The following PTPRN2 variants were observed in gnomAD, a reference collection of about 807,000 sequenced individuals.
The protein encoded by PTPRN2 is receptor-type tyrosine-protein phosphatase N2.
A neutral mutation model predicts 118.8 loss-of-function variants in PTPRN2; 74 were observed. That is an observed-to-expected ratio of 0.62 (90% CI 0.52 to 0.76). PTPRN2 has a LOEUF of 0.76. Ranked by LOEUF, PTPRN2 falls within the 30% of genes least tolerant of loss-of-function variation. The pLI, the probability that PTPRN2 is intolerant of heterozygous loss-of-function variation, is 0.00. For synonymous variants in PTPRN2, 641 were observed against 608.0 expected (o/e 1.05, Z -0.80); for missense variants, 1,481 against 1,394.4 (o/e 1.06, Z -0.99).
rs117373098 is a variant in PTPRN2 at position 157,976,237 on chromosome 7, G to C, written c.1724-77500C>G. On this transcript the variant is annotated intron_variant, in intron 11 of 22. Transcript: ENST00000389418. ...AATCAAGCTCTGATCTTTCTTCTCT[G>C]ATGTGAGGTGCTCGGCGATTCCCAG... Among the ~76,000 whole-genome samples, 1,246 of 152,360 alleles carry C rather than the reference G, an allele frequency of 8.2e-3. 6 individuals carry two copies. Among genetic ancestry groups the C allele is most frequent in the Non-Finnish European group, 0.012 (785 of 68,036 alleles).
At chr7:158,210,922 A>AGAG (rs1280690141) in intron 3 of PTPRN2, among the ~76,000 whole-genome samples, 1 of 152,246 alleles carries the variant, frequency 6.6e-6, no homozygotes, top group South Asian at 2.1e-4. Flanking sequence ...TCCAAAAGAT[A>AGAG]GAGGAGGAGG....
chr7:158,047,677 T>C (rs1808987501), intron 11 of PTPRN2, among the ~76,000 whole-genome samples: 1 of 152,174 alleles, frequency 6.6e-6, no homozygotes, highest in Non-Finnish European at 1.5e-5. Flanking sequence ...CATCTGGCGT[T>C]TCAGAGCCGA....
At chr7:157,942,318 G>A (rs1451216496) in intron 11 of PTPRN2, among the ~76,000 whole-genome samples, 1 of 152,140 alleles carries the variant, frequency 6.6e-6, no homozygotes, top group Non-Finnish European at 1.5e-5. Flanking sequence ...AGAGCCCACG[G>A]TGGGGTCCTC....
chr7:158,294,470 T>G (rs1370238384), intron 3 of PTPRN2, among the ~76,000 whole-genome samples: 1 of 152,228 alleles, frequency 6.6e-6, no homozygotes, highest in Non-Finnish European at 1.5e-5. Flanking sequence ...AACTATTCCC[T>G]CCTGGCCTGG....
chr7:157,663,765 C>G (rs1796007464), intron 13 of PTPRN2, among the ~76,000 whole-genome samples: 1 of 152,260 alleles, frequency 6.6e-6, no homozygotes, highest in African/African-American at 2.4e-5. Flanking sequence ...CATGTGGTCT[C>G]ATTCACTGGT....
chr7:158,095,045 G>A (rs1183031798), intron 10 of PTPRN2, among the ~76,000 whole-genome samples: 1 of 152,098 alleles, frequency 6.6e-6, no homozygotes, highest in African/African-American at 2.4e-5. Context: ...GAGCCGCTGG[G>A]TCCTGTAACT....
intron 10 of PTPRN2, among the ~76,000 whole-genome samples, chr7:158,083,136 A>G (rs1411653875): frequency 6.6e-6 from 1 of 152,112 alleles, no homozygotes; most frequent in African/African-American, 2.4e-5. Flanking sequence ...AGTGCCTGAT[A>G]TTTAGTGCTC....
intron 2 of PTPRN2, among the ~76,000 whole-genome samples, chr7:158,364,062 C>A (rs1809230249): frequency 6.6e-6 from 1 of 152,220 alleles, no homozygotes; most frequent in African/African-American, 2.4e-5. Flanking sequence ...GACCTTCTAG[C>A]CAATGGGGCT....
chr7:157,731,037 C>T (rs1015789407), intron 12 of PTPRN2, among the ~76,000 whole-genome samples: 2 of 152,134 alleles, frequency 1.3e-5, no homozygotes, highest in East Asian at 1.9e-4. Context: ...GAACTCCCAG[C>T]CCTGGACGAG....
In PTPRN2 at chr7:158,555,395, G is replaced by A. The variant is rs1425287612; in HGVS notation, c.112+32163C>T. The stretch of plus-strand genomic sequence containing the variant: ...TCACAAGCAGCATCCACGGCTCAGT[G>A]GTGCCCCTCGCCCCCACCGCTCTGC... On this transcript the variant is annotated intron_variant, in intron 1 of 22. Transcript: ENST00000389418. The surrounding 1 kb of genome is among the most constrained non-coding windows in gnomAD (Gnocchi z 4.7). Among the ~76,000 whole-genome samples the A allele has an allele frequency of 6.6e-6, 1 of 152,100 alleles. No individual in the cohort carries two copies. The highest frequency in any genetic ancestry group is 1.5e-5 in the Non-Finnish European group (1 of 68,008).
chr7:157,908,180 C>T (rs750456579), intron 11 of PTPRN2, among the ~76,000 whole-genome samples: 12 of 152,172 alleles, frequency 7.9e-5, no homozygotes, highest in South Asian at 2.1e-4. Context: ...ACCCCAACTG[C>T]GCTGCCTGGC....
intron 1 of PTPRN2, among the ~76,000 whole-genome samples, chr7:158,538,701 C>T (rs1418754620): frequency 3.9e-5 from 6 of 152,168 alleles, no homozygotes; most frequent in Non-Finnish European, 7.3e-5. Flanking sequence ...ACTACGGACA[C>T]CCCAGCCACT....
intron 11 of PTPRN2, among the ~76,000 whole-genome samples, chr7:158,041,077 A>G (rs1808431267): frequency 6.6e-6 from 1 of 152,174 alleles, no homozygotes; most frequent in Non-Finnish European, 1.5e-5. Context: ...TGACAGAAGG[A>G]AAGTGACACA....
intron 10 of PTPRN2, among the ~76,000 whole-genome samples, chr7:158,105,666 C>G (rs878988027): frequency 1.3e-5 from 2 of 151,524 alleles, no homozygotes; most frequent in African/African-American, 4.9e-5. Flanking sequence ...TATCCCAGAC[C>G]ATGGAGCTCC....
chr7:157,667,447 C>T (rs541257901), intron 13 of PTPRN2, among the ~76,000 whole-genome samples: 32 of 152,246 alleles, frequency 2.1e-4, no homozygotes, highest in Non-Finnish European at 4.7e-4. Context: ...TGCCAGTGCC[C>T]GCATCTACAT....
intron 3 of PTPRN2, among the ~76,000 whole-genome samples, chr7:158,308,579 T>C (rs1309960128): frequency 6.6e-6 from 1 of 152,016 alleles, no homozygotes; most frequent in Non-Finnish European, 1.5e-5. Context: ...TTCATGACAA[T>C]AACAGCACAA....
chr7:158,316,550 G>T (rs966874462), intron 3 of PTPRN2, among the ~76,000 whole-genome samples: 1 of 152,112 alleles, frequency 6.6e-6, no homozygotes, highest in Non-Finnish European at 1.5e-5. Flanking sequence ...TGCCTACTTT[G>T]TGCCAGGCCC....
intron 2 of PTPRN2, among the ~76,000 whole-genome samples, chr7:158,440,139 G>T (rs1397481730): frequency 1.3e-5 from 2 of 152,192 alleles, no homozygotes; most frequent in African/African-American, 4.8e-5. Flanking sequence ...ACAACAGATG[G>T]TGTGTGGCCA....
chr7:157,718,037 A>G (rs762032782), intron 12 of PTPRN2, among the ~76,000 whole-genome samples: 1 of 152,178 alleles, frequency 6.6e-6, no homozygotes, highest in Admixed American at 6.5e-5. Context: ...TGGGGAGGGG[A>G]ATGCTTCGTT....
Sources: gnomAD v4.1 joint callset for allele counts (sites outside exome capture counted in the v4.1 genomes callset) on GRCh38, gnomAD v4.1.1 for gene constraint, Gnocchi (gnomAD v3.1) non-coding constraint, MANE v1.5 for transcripts, NCBI Gene and HGNC (gene_info 2026-07-23, HGNC 2026-07-21) for gene names.